The following SCT variants were observed in gnomAD, a reference collection of about 807,000 sequenced individuals.
SCT encodes secretin, also known as prepro-secretin.
A neutral mutation model predicts 10.9 loss-of-function variants in SCT; 17 were observed. That is an observed-to-expected ratio of 1.55 (90% confidence interval 1.06 to 2.33). The LOEUF is 2.33. SCT is among the 30% of genes most tolerant of loss of function. The pLI, the probability that SCT is intolerant of heterozygous loss-of-function variation, is 0.00. For synonymous variants in SCT, 96 were observed against 73.9 expected (o/e 1.30, Z -1.54); for missense variants, 230 against 165.9 (o/e 1.39, Z -2.12).
rs536940291 is a variant in SCT, at chr11:626,517, C to G, written c.280G>C (p.Gly94Arg). 1.3e-5 allele frequency: 20 copies of G among 1,559,296 alleles called. No homozygotes were observed. Among genetic ancestry groups the G allele is most frequent in the African/African-American group, 4.1e-5 (3 of 73,456 alleles). The change falls in exon 4 of 4, where the codon GGG becomes CGG. Residue 94 changes from glycine (G) to arginine (R), a missense_variant. By Grantham distance (125) the Gly-to-Arg change is moderately radical (BLOSUM62 -2). Coordinates refer to ENST00000176195, the MANE Select transcript of SCT (RefSeq NM_021920.4). The stretch of plus-strand genomic sequence containing the variant: ...GGGGGCAGCCAGGGAGACCAGGTCC[C>G]GTCCAGGGGCATCCTGCAGAGACAG... ...PILQAWMPLD[G>R]TWSPWLPPGP...
chr11:626,315 T>A lies in SCT; in HGVS notation c.*116A>T. The A allele has an allele frequency of 1.4e-6, 1 of 738,676 alleles. No homozygotes were observed. The allele number at this position is 738,676 out of a possible 1,614,324, so 45.8% of individuals were successfully genotyped here. On this transcript the variant is annotated 3_prime_UTR_variant, in exon 4 of 4. Coordinates refer to ENST00000176195, the MANE Select transcript of SCT (RefSeq NM_021920.4). ...ACACAGACAACTCCCAGCGTCTGGG[T>A]CTGATTCCTCCTTTATTGGTGCCAA...
chr11:626,660 G>T, intron 3 of SCT, 37 bp downstream of exon 3: 1 of 1,506,254 alleles, frequency 6.6e-7, no homozygotes, highest in Non-Finnish European at 9.0e-7. Context: ...TCTGGGGTGG[G>T]GTCTGGAGTG....
rs757475610 is a variant in SCT at position 626,984 on chromosome 11, C to T, written c.77G>A (p.Arg26Gln). 3.1e-5 allele frequency: 39 copies of T among 1,277,722 alleles called. No homozygotes were observed. Among genetic ancestry groups the T allele is most frequent in the African/African-American group, 2.5e-4 (16 of 63,638 alleles). 79.1% of individuals were successfully genotyped at this position (1,277,722 alleles called of 1,614,324 possible). Residue 26 changes from arginine to glutamine, a missense_variant, in exon 2 of 4, where the codon CGG becomes CAG. Physicochemically the swap from Arg to Gln is conservative, Grantham distance 43. Transcript: ENST00000176195. ...GGTGAACGTCCCGTCTGAGTGTCGCCGGGCCCTGCGGGCGGTCGGGGGTCG... is the reference window on the plus strand; with the variant it reads ...GGTGAACGTCCCGTCTGAGTGTCGCTGGGCCCTGCGGGCGGTCGGGGGTCG... ...SAARPAPPRA[R>Q]RHSDGTFTSE... is the part of the protein sequence containing the mutation.
At position 626,993 on chromosome 11, in the gene SCT, C is replaced by A. The variant is rs1040919325; in HGVS notation, c.72-4G>T. 1.8e-6 allele frequency: 2 copies of A among 1,120,430 alleles called. No homozygotes were observed. Among genetic ancestry groups the A allele is most frequent in the Non-Finnish European group, 2.4e-6 (2 of 846,852 alleles). The allele number at this position is 1,120,430 out of a possible 1,614,324, so 69.4% of individuals were successfully genotyped here. A position where few individuals can be genotyped will look rare whatever the true frequency, so the allele number is the denominator to read the frequency against. ...CCCGTCTGAGTGTCGCCGGGCCCTG[C>A]GGGCGGTCGGGGGTCGGGGTCAGGG... On this transcript the variant is annotated splice_polypyrimidine_tract_variant and splice_region_variant and intron_variant, in intron 1 of 3. Transcript: ENST00000176195.
chr11:626,405 G>T lies in SCT; in HGVS notation c.*26C>A, dbSNP rs955604940. 6.6e-7 allele frequency: 1 copy of T among 1,526,248 alleles called. No homozygotes were observed. The highest frequency in any genetic ancestry group is 1.2e-5 in the South Asian group (1 of 83,374). 94.5% of individuals were successfully genotyped at this position (1,526,248 alleles called of 1,614,324 possible). On this transcript the variant is annotated 3_prime_UTR_variant, in exon 4 of 4. Transcript: ENST00000176195. ...CCAAATGCAGCTGCGCTCCTGGGCC[G>T]GGCAGGTGGTGAGGGGGTTCCTTCC... is the stretch of plus-strand genomic sequence containing the variant.
rs1291793483 is a variant in SCT, at chr11:626,926, CCG to C, written c.133_134del (p.Arg45AlafsTer?). ...SELSRLREGARLQRLLQGLVG... is the reference protein window; with the variant it reads ...SELSRLREGAXLQRLLQGLVG... ...CCAGGCCCTGTAGCAGCCGCTGGAG[CCG>C]CGCGCCCTCCCGCAGGCGGCTGAGC... is the stretch of plus-strand genomic sequence containing the variant. On this transcript the variant is annotated frameshift_variant, in exon 2 of 4. Transcript: ENST00000176195. LOFTEE classifies it high-confidence loss of function. 5.2e-6 allele frequency: 8 copies of C among 1,537,880 alleles called. No homozygotes were observed. The highest frequency in any genetic ancestry group is 7.0e-6 in the Non-Finnish European group (8 of 1,146,156).
chr11:626,692 C>T lies in SCT; in HGVS notation c.266+5G>A, dbSNP rs1182349685. 1.3e-6 allele frequency: 2 copies of T among 1,545,042 alleles called. No homozygotes were observed. ...AGTGGGGTCTGCGGTGGGGCGGGTGCTCACCAGGCCTGCAGGATGGGCATG... is the reference window on the plus strand; with the variant it reads ...AGTGGGGTCTGCGGTGGGGCGGGTGTTCACCAGGCCTGCAGGATGGGCATG... On this transcript the variant is annotated splice_donor_5th_base_variant and intron_variant, in intron 3 of 3. Transcript: ENST00000176195.
chr11:626,573 A>C, intron 3 of SCT, 43 bp from the exon 4 acceptor site: 2 of 1,498,458 alleles, frequency 1.3e-6, no homozygotes, highest in Non-Finnish European at 1.8e-6. Context: ...GGGGCTGGAG[A>C]CCCCGGCCCC....
chr11:626,457 C>CTGCT lies in SCT; in HGVS notation c.339_340insAGCA (p.Ala114SerfsTer?), dbSNP rs1187282139. On this transcript the variant is annotated frameshift_variant, in exon 4 of 4. Coordinates refer to ENST00000176195, the MANE Select transcript of SCT (RefSeq NM_021920.4). LOFTEE classifies it high-confidence loss of function. ...CATCTGGGCCGCAAGGTTCCTTCTG[C>CTGCT]AGCAGCGCCAGCTGGTTCTGAAACC... is the stretch of plus-strand genomic sequence containing the variant. 2 of 1,555,262 alleles carry CTGCT rather than the reference C, an allele frequency of 1.3e-6. No individual in the cohort carries two copies. Among genetic ancestry groups the CTGCT allele is most frequent in the Non-Finnish European group, 1.7e-6 (2 of 1,149,040 alleles).
At chr11:626,642 AGGAGGGGTCTGG>A (rs1857755081) in intron 3 of SCT, 43 bp downstream of exon 3, 1 of 1,482,130 alleles carries the variant, frequency 6.7e-7, no homozygotes, top group Non-Finnish European at 9.2e-7. Flanking sequence ...CCAGGACAGA[AGGAGGGGTCTGG>A]GGTGGGGTCT....
Position 626,774 on chromosome 11 carries a change from C to T in SCT, c.189G>A (p.Glu63=), listed in dbSNP as rs1056363089. Residue 63 remains glutamate, a synonymous_variant, in exon 3 of 4, where the codon GAG becomes GAA. Coordinates refer to ENST00000176195, the MANE Select transcript of SCT (RefSeq NM_021920.4). ...LVGKRSEQDA[E]NSMAWTRLSA... is the part of the protein sequence containing the mutation. ...TGAGCCTGGTCCAGGCCATGCTGTT[C>T]TCTGCGTCCTGCTCGCTGCCCCCCG... 2 of 1,550,334 alleles carry T rather than the reference C, an allele frequency of 1.3e-6. No homozygotes were observed. Among genetic ancestry groups the T allele is most frequent in the African/African-American group, 1.4e-5 (1 of 73,152 alleles).
At position 626,373 on chromosome 11, in the gene SCT, C is replaced by T; in HGVS notation, c.*58G>A. On this transcript the variant is annotated 3_prime_UTR_variant, in exon 4 of 4. Transcript: ENST00000176195. ...CCCTCCCCCTCTCCCCCATCCTGCC[C>T]CCCACCCCAAATGCAGCTGCGCTCC... 6.7e-6 allele frequency: 9 copies of T among 1,336,664 alleles called. No homozygotes were observed. The highest frequency in any genetic ancestry group is 8.4e-6 in the Non-Finnish European group (8 of 955,098). The allele number at this position is 1,336,664 out of a possible 1,614,324, so 82.8% of individuals were successfully genotyped here.
In SCT at chr11:626,678, C is replaced by T. The variant is rs115931406; in HGVS notation, c.266+19G>A. Reference sequence around the variant, plus strand: ...GGGGTGGGGTCTGGAGTGGGGTCTGCGGTGGGGCGGGTGCTCACCAGGCCT... The same window carrying T: ...GGGGTGGGGTCTGGAGTGGGGTCTGTGGTGGGGCGGGTGCTCACCAGGCCT... On this transcript the variant is annotated intron_variant, in intron 3 of 3. Coordinates refer to ENST00000176195, the MANE Select transcript of SCT (RefSeq NM_021920.4). The T allele has an allele frequency of 5.6e-4, 854 of 1,531,948 alleles. 6 individuals carry two copies. The African/African-American group carries it at 0.01, about 18-fold the overall frequency. 94.9% of individuals were successfully genotyped at this position (1,531,948 alleles called of 1,614,324 possible). A position where few individuals can be genotyped will look rare whatever the true frequency, so the allele number is the denominator to read the frequency against.
At chr11:627,044 GGGGC>G (rs1013487464) in intron 1 of SCT, 25 bp downstream of exon 1, 2 of 1,230,008 alleles carry the variant, frequency 1.6e-6, no homozygotes, top group Non-Finnish European at 2.1e-6. Context: ...TGGGGCCCGG[GGGGC>G]GGGCGGGCCT....
At position 626,543 on chromosome 11, in the gene SCT, C is replaced by T. The variant is rs567161770; in HGVS notation, c.267-13G>A. On this transcript the variant is annotated splice_polypyrimidine_tract_variant and intron_variant, in intron 3 of 3. Transcript: ENST00000176195. ...GTCCAGGGGCATCCTGCAGAGACAG[C>T]ACGTGAGGGTCTGAGGGCTGGGGCT... is the stretch of plus-strand genomic sequence containing the variant. The T allele has an allele frequency of 1.8e-5, 28 of 1,548,780 alleles. No homozygotes were observed. Among genetic ancestry groups the T allele is most frequent in the Middle Eastern group, 1.7e-4 (1 of 5,786 alleles).
At position 627,009 on chromosome 11, in the gene SCT, G is replaced by A. The variant is rs1250942339; in HGVS notation, c.72-20C>T. On this transcript the variant is annotated intron_variant, in intron 1 of 3. Coordinates refer to ENST00000176195, the MANE Select transcript of SCT (RefSeq NM_021920.4). ...CGGGCCCTGCGGGCGGTCGGGGGTC[G>A]GGGTCAGGGCGCACTGGGGGCGGGT... The A allele has an allele frequency of 1.3e-6, 2 of 1,496,756 alleles. No individual in the cohort carries two copies. The highest frequency in any genetic ancestry group is 2.1e-5 in the Admixed American group (1 of 48,546). The allele number at this position is 1,496,756 out of a possible 1,614,324, so 92.7% of individuals were successfully genotyped here.
chr11:626,689 G>A lies in SCT; in HGVS notation c.266+8C>T, dbSNP rs1036624558. 6.5e-6 allele frequency: 10 copies of A among 1,543,668 alleles called. No individual in the cohort carries two copies. In the Admixed American group the frequency reaches 1.8e-4, roughly 27 times the overall value. ...TGGAGTGGGGTCTGCGGTGGGGCGG[G>A]TGCTCACCAGGCCTGCAGGATGGGC... On this transcript the variant is annotated splice_region_variant and intron_variant, in intron 3 of 3. Transcript: ENST00000176195.
Position 626,756 on chromosome 11 carries a change from G to C in SCT, c.207C>G (p.Thr69=). 6.4e-7 allele frequency: 1 copy of C among 1,550,666 alleles called. No individual in the cohort carries two copies. The highest frequency in any genetic ancestry group is 8.7e-7 in the Non-Finnish European group (1 of 1,146,826). ...GGCAGAGCAGACCCGCGCTGAGCCT[G>C]GTCCAGGCCATGCTGTTCTCTGCGT... ...EQDAENSMAW[T]RLSAGLLCPS... The change falls in exon 3 of 4, where the codon ACC becomes ACG. Residue 69 remains threonine (T), a synonymous_variant. Coordinates refer to ENST00000176195, the MANE Select transcript of SCT (RefSeq NM_021920.4).
Position 627,090 on chromosome 11 carries a change from C to T in SCT, c.54G>A (p.Ala18=), listed in dbSNP as rs867468304. 1.7e-5 allele frequency: 19 copies of T among 1,118,538 alleles called. No homozygotes were observed. Among genetic ancestry groups the T allele is most frequent in the Non-Finnish European group, 2.0e-5 (18 of 911,074 alleles). The allele number at this position is 1,118,538 out of a possible 1,614,324, so 69.3% of individuals were successfully genotyped here. A position where few individuals can be genotyped will look rare whatever the true frequency, so the allele number is the denominator to read the frequency against. ...CGGCTCACCTGGGGGGCGCGGGGCG[C>T]GCGGCGGAGCCCCCGAGGAGCAGCA... is the stretch of plus-strand genomic sequence containing the variant. ...LLLLLLGGSA[A]RPAPPRARRH... The change falls in exon 1 of 4, where the codon GCG becomes GCA. Residue 18 remains alanine (A), a synonymous_variant. Coordinates refer to ENST00000176195, the MANE Select transcript of SCT (RefSeq NM_021920.4).
Sources: gnomAD v4.1 joint callset for allele counts on GRCh38, gnomAD v4.1.1 for gene constraint, MANE v1.5 for transcripts, NCBI Gene and HGNC (gene_info 2026-07-23, HGNC 2026-07-21) for gene names.